Variants in MS4A6E observed in about 807,000 individuals in gnomAD.
MS4A6E encodes membrane-spanning 4-domains subfamily A member 6E.
A neutral mutation model predicts 13.2 loss-of-function variants in MS4A6E; 8 were observed. That is an observed-to-expected ratio of 0.60 (90% CI 0.35 to 1.09). MS4A6E has a LOEUF of 1.09. Ranked by LOEUF, MS4A6E falls within the 50% of genes least tolerant of loss-of-function variation. MS4A6E has a pLI of 0.02. For synonymous variants in MS4A6E, 72 were observed against 67.6 expected (o/e 1.06, Z -0.32); for missense variants, 177 against 171.1 (o/e 1.03, Z -0.19).
chr11:60,335,702 G>T, intron 2 of MS4A6E: 1 of 421,356 alleles, frequency 2.4e-6, no homozygotes, highest in South Asian at 1.7e-5. Flanking sequence ...TGGTTTCCTT[G>T]CCTCATGTAC....
chr11:60,333,463 G>C (rs923493838), intron 1 of MS4A6E, among the ~76,000 whole-genome samples: 1 of 152,164 alleles, frequency 6.6e-6, no homozygotes, highest in Non-Finnish European at 1.5e-5. Flanking sequence ...TATATCAAAA[G>C]AGAAGAGTTC....
At chr11:60,345,226 G>A (rs965460284), downstream of MS4A6E, among the ~76,000 whole-genome samples, 3 of 152,172 alleles carry the variant, frequency 2.0e-5, no homozygotes, top group Non-Finnish European at 2.9e-5. Context: ...GAGCCACCGC[G>A]CCCTGCCCCT....
intron 3 of MS4A6E, chr11:60,338,541 A>T (rs1478253863): frequency 6.6e-6 from 1 of 152,512 alleles, no homozygotes; most frequent in Non-Finnish European, 1.5e-5. Flanking sequence ...AAATCAGGAG[A>T]TAAGAAATAT....
downstream of MS4A6E, among the ~76,000 whole-genome samples, chr11:60,345,510 G>A (rs530820018): frequency 2.7e-4 from 41 of 152,204 alleles, no homozygotes; most frequent in Non-Finnish European, 5.1e-4. Context: ...AGAGGGTCTA[G>A]TCTGGATTTT....
chr11:60,343,191 A>G (rs189755636), downstream of MS4A6E, among the ~76,000 whole-genome samples: 2 of 152,338 alleles, frequency 1.3e-5, no homozygotes, highest in Non-Finnish European at 1.5e-5. Context: ...GAATATGAGT[A>G]TTAAGATTAC....
Position 60,334,981 on chromosome 11 carries a change from C to A in MS4A6E, c.86C>A (p.Pro29His). 9 of 1,614,166 alleles carry A rather than the reference C, an allele frequency of 5.6e-6. No individual in the cohort carries two copies. Among genetic ancestry groups the A allele is most frequent in the Non-Finnish European group, 7.6e-6 (9 of 1,180,034 alleles). Reference sequence around the variant, plus strand: ...TTCTCCCAAGCAGAGAAACCCGAACCCACCAACCAGGGGCAGGATAGCCTG... The same window carrying A: ...TTCTCCCAAGCAGAGAAACCCGAACACACCAACCAGGGGCAGGATAGCCTG... ...INFSQAEKPE[P>H]TNQGQDSLKK... Residue 29 changes from proline (P) to histidine (H), a missense_variant, in exon 2 of 5, where the codon CCC becomes CAC. Coordinates refer to ENST00000684409, the MANE Select transcript of MS4A6E (RefSeq NM_139249.4).
At chr11:60,339,518 T>C (rs983660381) in intron 3 of MS4A6E, among the ~76,000 whole-genome samples, 10 of 152,226 alleles carry the variant, frequency 6.6e-5, no homozygotes, top group South Asian at 4.1e-4. Context: ...GAGACTATAA[T>C]GGAGCTGCTG....
downstream of MS4A6E, among the ~76,000 whole-genome samples, chr11:60,341,933 A>T (rs1200821669): frequency 6.6e-6 from 1 of 152,154 alleles, no homozygotes; most frequent in Non-Finnish European, 1.5e-5. Flanking sequence ...TGGATACCAG[A>T]CACTATGCTT....
In MS4A6E at chr11:60,341,272, CCCCATAATGAAGTCTCCG is replaced by C. The variant is rs2085224227; in HGVS notation, c.*507_*524del. On this transcript the variant is annotated 3_prime_UTR_variant, in exon 5 of 5. Transcript: ENST00000684409. ...TTACTCATTAGTGCATAAAGGCAAA[CCCCATAATGAAGTCTCCG>C]AGTGTATGAAAGTAGCCGGCTTCAA... Among the ~76,000 whole-genome samples the C allele has an allele frequency of 6.6e-6, 1 of 152,154 alleles. No homozygotes were observed. Among genetic ancestry groups the C allele is most frequent in the African/African-American group, 2.4e-5 (1 of 41,424 alleles).
At chr11:60,337,704 C>A in intron 2 of MS4A6E, 37 bp from the exon 3 acceptor site, 2 of 1,611,618 alleles carry the variant, frequency 1.2e-6, no homozygotes, top group Non-Finnish European at 1.7e-6. Flanking sequence ...ATTCGTGGCC[C>A]TTTGGGAATG....
At chr11:60,336,166 G>T (rs2085187420) in intron 2 of MS4A6E, among the ~76,000 whole-genome samples, 1 of 152,150 alleles carries the variant, frequency 6.6e-6, no homozygotes, top group Non-Finnish European at 1.5e-5. Context: ...GATCTGTGCT[G>T]TGCAATGTAA....
chr11:60,342,830 G>A (rs995270566), downstream of MS4A6E, among the ~76,000 whole-genome samples: 10 of 152,174 alleles, frequency 6.6e-5, no homozygotes, highest in African/African-American at 2.4e-4. Context: ...TCTTTTGCTA[G>A]ACAAGAAATG....
chr11:60,343,000 A>T (rs1232760760), downstream of MS4A6E, among the ~76,000 whole-genome samples: 1 of 152,072 alleles, frequency 6.6e-6, no homozygotes, highest in African/African-American at 2.4e-5. Context: ...ACTCTTTCTG[A>T]CTACTTCCTG....
At position 60,334,831 on chromosome 11, in the gene MS4A6E, A is replaced by G; in HGVS notation, c.-14-51A>G. 4 of 1,589,278 alleles carry G rather than the reference A, an allele frequency of 2.5e-6. No individual in the cohort carries two copies. The South Asian group carries it at 3.4e-5, about 13-fold the overall frequency. On this transcript the variant is annotated intron_variant, in intron 1 of 4. Transcript: ENST00000684409. ...ACTGACTTACCAGTTTTGCAGCCAG[A>G]ACTTGGGAGCTCTGTACTTTTAAGA...
chr11:60,335,417 TC>T (rs760004559), intron 2 of MS4A6E: 56 of 372,816 alleles, frequency 1.5e-4, no homozygotes, highest in Non-Finnish European at 2.4e-4. Context: ...AAGGAATTTT[TC>T]CCTTACTGCA....
chr11:60,343,833 T>A (rs1365337722), downstream of MS4A6E, among the ~76,000 whole-genome samples: 3 of 152,216 alleles, frequency 2.0e-5, 1 homozygote, highest in African/African-American at 7.2e-5. Flanking sequence ...GGTTGCTCTC[T>A]CAGCTTTCCA....
chr11:60,335,561 G>T (rs754864973), intron 2 of MS4A6E: 3 of 456,090 alleles, frequency 6.6e-6, no homozygotes, highest in Non-Finnish European at 8.8e-6. Context: ...TGCATGAAGG[G>T]AGGAGAGAAA....
chr11:60,339,655 A>G (rs1402724254), intron 3 of MS4A6E, among the ~76,000 whole-genome samples: 1 of 152,184 alleles, frequency 6.6e-6, no homozygotes, highest in Non-Finnish European at 1.5e-5. Context: ...TTTAGTTACT[A>G]CTCATCTTCC....
At position 60,339,597 on chromosome 11, in the gene MS4A6E, G is replaced by A. The variant is rs951930436; in HGVS notation, c.355-269G>A. 5.9e-5 allele frequency among the ~76,000 whole-genome samples: 9 copies of A among 152,310 alleles called. No individual in the cohort carries two copies. In the East Asian group the frequency reaches 1.2e-3, roughly 20 times the overall value. On this transcript the variant is annotated intron_variant, in intron 3 of 4. Coordinates refer to ENST00000684409, the MANE Select transcript of MS4A6E (RefSeq NM_139249.4). Reference sequence around the variant, plus strand: ...GAGTGAACAATGTCATCAGAACTACGTACGTCTCAAAGAAGTGAGAAACAA... The same window carrying A: ...GAGTGAACAATGTCATCAGAACTACATACGTCTCAAAGAAGTGAGAAACAA...
Sources: gnomAD v4.1 joint callset for allele counts (sites outside exome capture counted in the v4.1 genomes callset) on GRCh38, gnomAD v4.1.1 for gene constraint, MANE v1.5 for transcripts, NCBI Gene and HGNC (gene_info 2026-07-23, HGNC 2026-07-21) for gene names.